Variants in TMEM114 observed in about 807,000 individuals in gnomAD.
TMEM114 encodes the protein claudin-26.
A neutral mutation model predicts 6.2 loss-of-function variants in TMEM114; 6 were observed. That is an observed-to-expected ratio of 0.97 (90% confidence interval 0.53 to 1.91). The LOEUF (loss-of-function observed/expected upper bound fraction) is 1.91. Among genes scored for constraint, TMEM114 ranks in the 40% most tolerant of loss-of-function variants. The pLI is 0.01. For missense variants in TMEM114, 218 were observed against 158.3 expected (o/e 1.38, Z -2.02); for synonymous variants, 104 against 73.0 (o/e 1.42, Z -2.16).
chr16:8,532,604 C>T, the TMEM114 span, among the ~76,000 whole-genome samples: 1 of 152,200 alleles, frequency 6.6e-6, no homozygotes, highest in African/African-American at 2.4e-5. Flanking sequence ...GCTCAACCTA[C>T]AACCTGAATA....
In TMEM114 at chr16:8,562,848, GTGAGTGAGTGAA is replaced by G. The variant is rs1454513265; in HGVS notation, n.213-25034_213-25023del. The stretch of plus-strand genomic sequence containing the variant: ...AGGGAGGGAATGAGTGAGTGAATAA[GTGAGTGAGTGAA>G]TGAGTGAGTAAATGAGTGAGGGAGG... On this transcript the variant is annotated intron_variant and non_coding_transcript_variant, in intron 2 of 2. Transcript: ENST00000623677. 9.7e-4 allele frequency among the ~76,000 whole-genome samples: 147 copies of G among 151,632 alleles called. 3 individuals are homozygous for G. Among genetic ancestry groups the G allele is most frequent in the African/African-American group, 3.5e-3 (143 of 41,126 alleles).
the TMEM114 span, among the ~76,000 whole-genome samples, chr16:8,532,369 G>A: frequency 1.3e-5 from 2 of 152,014 alleles, no homozygotes; most frequent in Non-Finnish European, 2.9e-5. Flanking sequence ...TTTGGATGTC[G>A]TGATCTCTAA....
At chr16:8,543,020 C>A (rs751215102) in intron 2 of TMEM114, among the ~76,000 whole-genome samples, 1 of 152,196 alleles carries the variant, frequency 6.6e-6, no homozygotes. Context: ...AAAGGCAGTG[C>A]TGCTGATAAC....
intron 2 of TMEM114, among the ~76,000 whole-genome samples, chr16:8,564,272 A>C (rs1375338713): frequency 1.7e-5 from 2 of 114,864 alleles, no homozygotes; most frequent in Admixed American, 8.6e-5. Context: ...TGATGAAATA[A>C]GTGAATGAGT....
At chr16:8,547,188 T>G (rs1469494327) in intron 2 of TMEM114, among the ~76,000 whole-genome samples, 1 of 152,046 alleles carries the variant, frequency 6.6e-6, no homozygotes, top group Non-Finnish European at 1.5e-5. Flanking sequence ...CTGAAAGTTG[T>G]CATGATTTTT....
chr16:8,564,254 T>C (rs1170279880), intron 2 of TMEM114, among the ~76,000 whole-genome samples: 1 of 10,522 alleles, frequency 9.5e-5, no homozygotes, highest in Admixed American at 1.0e-3. Context: ...AGTGAGTGAG[T>C]GAATGAGTGA....
chr16:8,543,143 C>A (rs753160402), intron 2 of TMEM114, among the ~76,000 whole-genome samples: 4 of 152,120 alleles, frequency 2.6e-5, no homozygotes, highest in Non-Finnish European at 4.4e-5. Flanking sequence ...AAGTGTTTGG[C>A]CTCATAGCAA....
At chr16:8,557,348 A>G (rs1292804228) in intron 2 of TMEM114, among the ~76,000 whole-genome samples, 1 of 152,114 alleles carries the variant, frequency 6.6e-6, no homozygotes, top group Non-Finnish European at 1.5e-5. Flanking sequence ...CCATATTGTC[A>G]GGAAGCCCAG....
At chr16:8,530,857 T>A in the TMEM114 span, among the ~76,000 whole-genome samples, 1 of 151,852 alleles carries the variant, frequency 6.6e-6, no homozygotes, top group African/African-American at 2.4e-5. Context: ...AACCCCCACA[T>A]CTACTAAAAA....
At chr16:8,581,474 G>T (rs1902146171) in intron 2 of TMEM114, among the ~76,000 whole-genome samples, 2 of 152,178 alleles carry the variant, frequency 1.3e-5, no homozygotes, top group Non-Finnish European at 2.9e-5. Flanking sequence ...GTGTGTGAGA[G>T]ACAGGGTCCC....
At chr16:8,543,015 C>T (rs1013068418) in intron 2 of TMEM114, among the ~76,000 whole-genome samples, 7 of 152,208 alleles carry the variant, frequency 4.6e-5, no homozygotes, top group Non-Finnish European at 1.0e-4. Context: ...GGAGAAAAGG[C>T]AGTGCTGCTG....
At chr16:8,537,166 C>T (rs1187421070), downstream of TMEM114, among the ~76,000 whole-genome samples, 2 of 151,936 alleles carry the variant, frequency 1.3e-5, no homozygotes, top group Admixed American at 1.3e-4. Flanking sequence ...GATTGCATCA[C>T]TGCAGTCCAT....
intron 2 of TMEM114, among the ~76,000 whole-genome samples, chr16:8,576,737 AG>A: frequency 6.6e-6 from 1 of 151,902 alleles, no homozygotes; most frequent in East Asian, 1.9e-4. Context: ...GAAGGAAGGA[AG>A]GAAGGAAGGA....
intron 2 of TMEM114, among the ~76,000 whole-genome samples, chr16:8,559,946 G>A (rs1332735583): frequency 6.6e-6 from 1 of 152,166 alleles, no homozygotes; most frequent in Non-Finnish European, 1.5e-5. Flanking sequence ...TGGGCACTCA[G>A]AAGACCGGGC....
chr16:8,527,835 A>C, the TMEM114 span, among the ~76,000 whole-genome samples: 2 of 152,186 alleles, frequency 1.3e-5, no homozygotes, highest in African/African-American at 4.8e-5. Flanking sequence ...TCTGTGAGCT[A>C]TTTGCAAGTT....
chr16:8,550,874 T>C (rs558753014), intron 2 of TMEM114, among the ~76,000 whole-genome samples: 1 of 152,128 alleles, frequency 6.6e-6, no homozygotes, highest in African/African-American at 2.4e-5. Flanking sequence ...GGATAGAACA[T>C]CCACTGCTCT....
At chr16:8,534,627 T>C (rs1459042986), downstream of TMEM114, among the ~76,000 whole-genome samples, 5 of 152,096 alleles carry the variant, frequency 3.3e-5, no homozygotes, top group East Asian at 7.7e-4. Context: ...TTGGTGGGGG[T>C]GCTGAAGGCA....
chr16:8,577,938 C>G (rs1309768363), intron 2 of TMEM114, among the ~76,000 whole-genome samples: 1 of 152,150 alleles, frequency 6.6e-6, no homozygotes, highest in Non-Finnish European at 1.5e-5. Flanking sequence ...AAACAAATGC[C>G]TTTGGGTCCC....
chr16:8,565,974 A>G (rs1901529073), downstream of TMEM114, among the ~76,000 whole-genome samples: 1 of 152,226 alleles, frequency 6.6e-6, no homozygotes, highest in African/African-American at 2.4e-5. Context: ...AAAATAGAAG[A>G]GGAGAGGACA....
Sources: allele counts gnomAD v4.1 joint callset (sites outside exome capture counted in the v4.1 genomes callset), GRCh38; gene constraint gnomAD v4.1.1; transcripts MANE v1.5; gene names NCBI Gene and HGNC (gene_info 2026-07-23, HGNC 2026-07-21).